Variants in TBC1D22B observed in about 807,000 individuals in gnomAD.
TBC1D22B encodes chromosome 6 open reading frame 197.
Under a neutral mutation model 69.1 loss-of-function variants are expected in TBC1D22B, and 32 were observed. That is an observed-to-expected ratio of 0.46 (90% CI 0.35 to 0.62). The LOEUF (loss-of-function observed/expected upper bound fraction) is 0.62, where lower values mean the gene tolerates loss of function less well. Among genes scored for constraint, TBC1D22B ranks in the 20% least tolerant of loss-of-function variants. TBC1D22B has a pLI of 0.00. For synonymous variants in TBC1D22B, 206 were observed against 229.8 expected, an observed-to-expected ratio of 0.90 and a Z score of 0.94; for missense variants, 462 against 630.9, an observed-to-expected ratio of 0.73 and a Z score of 2.87.
intron 8 of TBC1D22B, among the ~76,000 whole-genome samples, chr6:37,296,826 T>C (rs144903976): frequency 8.8e-5 from 6 of 67,896 alleles, no homozygotes; most frequent in African/African-American, 3.3e-4. Flanking sequence ...ATATATATTA[T>C]AATTTTTTGG....
At chr6:37,277,853 G>A (rs573220808) in intron 2 of TBC1D22B, among the ~76,000 whole-genome samples, 27 of 152,178 alleles carry the variant, frequency 1.8e-4, no homozygotes, top group Non-Finnish European at 2.5e-4. Flanking sequence ...GAACTTCTGG[G>A]CGTGGTGGCT....
chr6:37,276,815 G>A (rs1050623224), intron 2 of TBC1D22B, among the ~76,000 whole-genome samples: 5 of 152,034 alleles, frequency 3.3e-5, no homozygotes, highest in Non-Finnish European at 7.4e-5. Flanking sequence ...CGCCTGAACC[G>A]AGGAGGTGGA....
chr6:37,272,383 A>G lies in TBC1D22B; in HGVS notation c.113+2733A>G, dbSNP rs1490856348. On this transcript the variant is annotated intron_variant, in intron 2 of 12. Transcript: ENST00000373491. ...TCCAGCCTTTTTTTTTTTTTTTTAAACAGAGTCTTGCGCTGCTGCTCAGGC... is the reference window on the plus strand; with the variant it reads ...TCCAGCCTTTTTTTTTTTTTTTTAAGCAGAGTCTTGCGCTGCTGCTCAGGC... Among the ~76,000 whole-genome samples, 5 of 143,434 alleles carry G rather than the reference A, an allele frequency of 3.5e-5. No homozygotes were observed. The Admixed American group carries it at 3.5e-4, about 10-fold the overall frequency. 94.1% of individuals were successfully genotyped at this position (143,434 alleles called of 152,430 possible).
intron 8 of TBC1D22B, among the ~76,000 whole-genome samples, chr6:37,301,130 G>T (rs2113765785): frequency 6.6e-6 from 1 of 152,290 alleles, no homozygotes; most frequent in Middle Eastern, 3.4e-3. Context: ...TTGAACTTGA[G>T]AATCAACTTT....
chr6:37,317,411 G>A (rs1768114645), intron 12 of TBC1D22B, among the ~76,000 whole-genome samples: 1 of 152,192 alleles, frequency 6.6e-6, no homozygotes, highest in Admixed American at 6.5e-5. Context: ...AAGGGTGTTT[G>A]TGCCAGAATG....
chr6:37,265,399 G>A (rs766626066), intron 1 of TBC1D22B, among the ~76,000 whole-genome samples: 3 of 152,278 alleles, frequency 2.0e-5, no homozygotes, highest in Middle Eastern at 6.8e-3. Context: ...TACCTAACCG[G>A]CCTGTTGAGA....
intron 12 of TBC1D22B, among the ~76,000 whole-genome samples, chr6:37,322,877 C>A (rs1456434984): frequency 6.6e-6 from 1 of 152,174 alleles, no homozygotes; most frequent in Admixed American, 6.5e-5. Flanking sequence ...AAATTCACTG[C>A]ACGTGTAGAC....
At position 37,279,630 on chromosome 6, in the gene TBC1D22B, C is replaced by G; in HGVS notation, c.421+19C>G. 1 of 1,583,754 alleles carries G rather than the reference C, an allele frequency of 6.3e-7. No homozygotes were observed. Among genetic ancestry groups the G allele is most frequent in the East Asian group, 2.2e-5 (1 of 44,508 alleles). ...AACTCTAGTAAGTCCTTCCTGCTCC[C>G]TTCATAGCCTCAGCCTTCTCAGCAG... is the stretch of plus-strand genomic sequence containing the variant. On this transcript the variant is annotated intron_variant, in intron 3 of 12. Coordinates refer to ENST00000373491, the MANE Select transcript of TBC1D22B (RefSeq NM_017772.4).
At chr6:37,326,908 T>C (rs1768422580) in intron 12 of TBC1D22B, among the ~76,000 whole-genome samples, 1 of 152,192 alleles carries the variant, frequency 6.6e-6, no homozygotes, top group South Asian at 2.1e-4. Context: ...CTGAGGAGAT[T>C]GATGGGGTTC....
At chr6:37,291,921 G>T (rs943710040) in intron 8 of TBC1D22B, among the ~76,000 whole-genome samples, 1 of 152,138 alleles carries the variant, frequency 6.6e-6, no homozygotes, top group Non-Finnish European at 1.5e-5. Flanking sequence ...CAGCAGGTGG[G>T]TTTTCTTGTA....
chr6:37,309,495 G>A (rs1231848569), intron 8 of TBC1D22B, among the ~76,000 whole-genome samples: 2 of 152,242 alleles, frequency 1.3e-5, no homozygotes, highest in Non-Finnish European at 2.9e-5. Context: ...TTTAGGAAAT[G>A]TGTAGGAGGA....
intron 8 of TBC1D22B, among the ~76,000 whole-genome samples, chr6:37,310,337 A>T (rs1049737813): frequency 6.6e-6 from 1 of 151,888 alleles, no homozygotes; most frequent in South Asian, 2.1e-4. Flanking sequence ...GAATAATAGG[A>T]ATAAAAGAAA....
chr6:37,293,062 CATTATT>C (rs764323916), intron 8 of TBC1D22B, among the ~76,000 whole-genome samples: 14 of 149,758 alleles, frequency 9.3e-5, no homozygotes, highest in African/African-American at 2.5e-4. Context: ...TTTAACTTTT[CATTATT>C]ATTATTATTA....
rs72852434 is a variant in TBC1D22B at position 37,331,391 on chromosome 6, G to T, written c.*219G>T. The T allele has an allele frequency of 0.018, 9,061 of 506,796 alleles. 117 individuals carry two copies. Among genetic ancestry groups the T allele is most frequent in the Non-Finnish European group, 0.024 (6,679 of 279,450 alleles). The allele number at this position is 506,796 out of a possible 1,614,324, so 31.4% of individuals were successfully genotyped here. On this transcript the variant is annotated 3_prime_UTR_variant, in exon 13 of 13. Coordinates refer to ENST00000373491, the MANE Select transcript of TBC1D22B (RefSeq NM_017772.4). ...ATTCCATGCCGCGTGGATGGGCCCAGTTCTGGGAGAGGACAGAAAAGGTGG... is the reference window on the plus strand; with the variant it reads ...ATTCCATGCCGCGTGGATGGGCCCATTTCTGGGAGAGGACAGAAAAGGTGG...
At chr6:37,307,525 T>A (rs1562061152) in intron 8 of TBC1D22B, among the ~76,000 whole-genome samples, 2 of 152,052 alleles carry the variant, frequency 1.3e-5, no homozygotes, top group Admixed American at 1.3e-4. Flanking sequence ...CCGGCTAATT[T>A]TTATATTTTT....
At chr6:37,293,311 T>A (rs866801985) in intron 8 of TBC1D22B, among the ~76,000 whole-genome samples, 2 of 152,046 alleles carry the variant, frequency 1.3e-5, no homozygotes, top group Non-Finnish European at 2.9e-5. Context: ...TCTCCTGACC[T>A]CGTGATCCGC....
At position 37,327,304 on chromosome 6, in the gene TBC1D22B, C is replaced by T. The variant is rs573334991; in HGVS notation, c.1390-3740C>T. 6.3e-4 allele frequency among the ~76,000 whole-genome samples: 80 copies of T among 126,244 alleles called. 8 individuals carry two copies. The highest frequency in any genetic ancestry group is 2.0e-3 in the African/African-American group (59 of 29,568). The allele number at this position is 126,244 out of a possible 152,430, so 82.8% of individuals were successfully genotyped here. On this transcript the variant is annotated intron_variant, in intron 12 of 12. Coordinates refer to ENST00000373491, the MANE Select transcript of TBC1D22B (RefSeq NM_017772.4). ...CCATCCTGGCTAACACGGTGAAACCCCGTCTCTACTAAAAATGCAAAAAAT... is the reference window on the plus strand; with the variant it reads ...CCATCCTGGCTAACACGGTGAAACCTCGTCTCTACTAAAAATGCAAAAAAT...
At chr6:37,275,966 C>CTTTTTTTT (rs149995165) in intron 2 of TBC1D22B, among the ~76,000 whole-genome samples, 15 of 133,218 alleles carry the variant, frequency 1.1e-4, no homozygotes, top group African/African-American at 2.2e-4. Context: ...TTCTTTTTTT[C>CTTTTTTTT]TTTTTTTTTT....
intron 7 of TBC1D22B, among the ~76,000 whole-genome samples, chr6:37,288,739 C>T (rs571046080): frequency 8.6e-5 from 12 of 139,112 alleles, no homozygotes; most frequent in African/African-American, 3.2e-4. Context: ...AAGATCCTGT[C>T]TCAAAAAAAA....
Sources: gnomAD v4.1 joint callset for allele counts (sites outside exome capture counted in the v4.1 genomes callset) on GRCh38, gnomAD v4.1.1 for gene constraint, MANE v1.5 for transcripts, NCBI Gene and HGNC (gene_info 2026-07-23, HGNC 2026-07-21) for gene names.